The following RBFOX1 variants were observed in gnomAD, a reference collection of about 807,000 sequenced individuals.
The protein encoded by RBFOX1 is RNA binding fox-1 homolog 1, also known as RNA binding protein fox-1 homolog 1.
In RBFOX1, 8 loss-of-function variants were observed where a neutral mutation model predicts 57.7. The observed-to-expected ratio is 0.14, with a 90% confidence interval of 0.08 to 0.25. The LOEUF (loss-of-function observed/expected upper bound fraction) is 0.25, where lower values mean the gene tolerates loss of function less well. RBFOX1 is among the 10% of genes least tolerant of loss of function. The probability of loss-of-function intolerance (pLI) is 1.00; values close to 1 mark genes in which losing one functional copy is unlikely to be tolerated. For synonymous variants in RBFOX1, 326 were observed against 222.4 expected (o/e 1.47, Z -4.15); for missense variants, 611 against 548.5 (o/e 1.11, Z -1.14).
chr16:6,450,795 A>ATGTG (rs1567303045), intron 2 of RBFOX1, among the ~76,000 whole-genome samples: 1 of 16,218 alleles, frequency 6.2e-5, no homozygotes, highest in Non-Finnish European at 8.8e-5. Flanking sequence ...ATATACATAT[A>ATGTG]TATATGTATA....
chr16:6,849,258 T>C (rs907819445), intron 3 of RBFOX1, among the ~76,000 whole-genome samples: 4 of 152,342 alleles, frequency 2.6e-5, no homozygotes, highest in African/African-American at 9.6e-5. Flanking sequence ...AGTCTTTCCG[T>C]GGCACCTAAA....
At chr16:6,470,644 G>C (rs1187665807) in intron 2 of RBFOX1, among the ~76,000 whole-genome samples, 1 of 152,096 alleles carries the variant, frequency 6.6e-6, no homozygotes, top group Non-Finnish European at 1.5e-5. Flanking sequence ...TACCCAACTT[G>C]ATGTGGTCAA....
intron 4 of RBFOX1, among the ~76,000 whole-genome samples, chr16:5,909,477 G>C (rs1342141367): frequency 6.6e-6 from 1 of 152,188 alleles, no homozygotes; most frequent in East Asian, 1.9e-4. Flanking sequence ...GCTTCAGGAA[G>C]GGCCTCCCGT....
At chr16:5,982,551 C>T (rs2060195619) in intron 4 of RBFOX1, among the ~76,000 whole-genome samples, 2 of 152,158 alleles carry the variant, frequency 1.3e-5, no homozygotes, top group Non-Finnish European at 1.5e-5. Flanking sequence ...GCTGGGATTA[C>T]AGGCGTGAGC....
At chr16:6,399,424 G>T (rs2092976599) in intron 2 of RBFOX1, among the ~76,000 whole-genome samples, 1 of 152,182 alleles carries the variant, frequency 6.6e-6, no homozygotes, top group Non-Finnish European at 1.5e-5. Context: ...TCTAGGGCAG[G>T]AGCAAAATGC....
At chr16:7,273,344 G>A (rs891103788) in intron 4 of RBFOX1, among the ~76,000 whole-genome samples, 3 of 151,594 alleles carry the variant, frequency 2.0e-5, no homozygotes, top group African/African-American at 4.9e-5. Flanking sequence ...TCTTTAGGAT[G>A]CTTGTTTCCT....
chr16:6,898,522 G>C (rs538659518), intron 3 of RBFOX1, among the ~76,000 whole-genome samples: 9 of 152,120 alleles, frequency 5.9e-5, no homozygotes, highest in Admixed American at 3.9e-4. Context: ...GAAAAACAAA[G>C]TACAGACGCA....
rs375030766 is a variant in RBFOX1, at chr16:5,934,090, C to T, written c.351+66755C>T. 8.6e-4 allele frequency among the ~76,000 whole-genome samples: 131 copies of T among 152,322 alleles called. No individual in the cohort carries two copies. The South Asian group carries it at 0.026, about 31-fold the overall frequency. ...GTTCACTAAGGATAATGGCCTCCAG[C>T]CCCATCCATGTTCCTGCCACAAGGT... On this transcript the variant is annotated intron_variant, in intron 4 of 19. Transcript: ENST00000641259.
intron 4 of RBFOX1, among the ~76,000 whole-genome samples, chr16:7,085,632 C>A (rs901879730): frequency 6.6e-6 from 1 of 152,026 alleles, no homozygotes; most frequent in Non-Finnish European, 1.5e-5. Context: ...GTTATTTTTC[C>A]CTAAGTTTTC....
intron 2 of RBFOX1, among the ~76,000 whole-genome samples, chr16:6,625,229 A>G (rs1255410711): frequency 5.9e-5 from 9 of 151,636 alleles, no homozygotes; most frequent in South Asian, 4.2e-4. Flanking sequence ...CCCCAAAACA[A>G]TTTCACAAAC....
intron 10 of RBFOX1, among the ~76,000 whole-genome samples, chr16:7,612,020 C>G (rs9921549): frequency 0.012 from 1,764 of 152,152 alleles, 38 homozygotes; most frequent in African/African-American, 0.04. Context: ...GTCCTTGAGG[C>G]TTATTCAAGA....
chr16:7,050,418 A>G (rs1568543019), intron 3 of RBFOX1, among the ~76,000 whole-genome samples: 1 of 151,998 alleles, frequency 6.6e-6, no homozygotes, highest in Non-Finnish European at 1.5e-5. Context: ...GATGCCCACC[A>G]CCATGCCCAG....
chr16:6,455,187 C>A lies in RBFOX1; in HGVS notation c.-64+138130C>A, dbSNP rs547487322. Among the ~76,000 whole-genome samples, 310 of 152,158 alleles carry A rather than the reference C, an allele frequency of 2.0e-3. 2 individuals carry two copies. The highest frequency in any genetic ancestry group is 7.1e-3 in the African/African-American group (296 of 41,512). On this transcript the variant is annotated intron_variant, in intron 2 of 15. Coordinates refer to ENST00000550418, the MANE Select transcript of RBFOX1 (RefSeq NM_018723.4). The stretch of plus-strand genomic sequence containing the variant: ...GGATTACAGGCGTGAGCCGCCACGC[C>A]TGGCCTACCAGGTGTTTTTCTAGGC...
chr16:7,418,812 C>G lies in RBFOX1; in HGVS notation c.28-99335C>G, dbSNP rs187064448. Among the ~76,000 whole-genome samples, 678 of 151,760 alleles carry G rather than the reference C, an allele frequency of 4.5e-3. 3 individuals are homozygous for G. The highest frequency in any genetic ancestry group is 7.9e-3 in the Non-Finnish European group (536 of 67,952). On this transcript the variant is annotated intron_variant, in intron 4 of 15. Transcript: ENST00000550418. ...TCTTTCTCTGTCTTCCTCTGTCTCT[C>G]TCACCTCTTTTTTCTCTTCTCTCCT...
At chr16:6,908,085 G>A (rs1165216295) in intron 3 of RBFOX1, among the ~76,000 whole-genome samples, 1 of 151,756 alleles carries the variant, frequency 6.6e-6, no homozygotes, top group African/African-American at 2.4e-5. Flanking sequence ...TTTCCAATAA[G>A]GTCACATTCA....
At chr16:6,876,056 C>G (rs78878691) in intron 3 of RBFOX1, among the ~76,000 whole-genome samples, 7,070 of 151,780 alleles carry the variant, frequency 0.047, 376 homozygotes, top group East Asian at 0.19. Context: ...GTCTATAGTC[C>G]TAGCATCTCG....
At chr16:5,516,999 T>G (rs1053758194) in intron 2 of RBFOX1, among the ~76,000 whole-genome samples, 6 of 140,672 alleles carry the variant, frequency 4.3e-5, no homozygotes, top group Non-Finnish European at 7.7e-5. Flanking sequence ...TTTCTTCCTG[T>G]TTTTTTTTTT....
intron 4 of RBFOX1, among the ~76,000 whole-genome samples, chr16:7,217,578 A>G (rs999177166): frequency 1.3e-5 from 2 of 152,080 alleles, no homozygotes; most frequent in East Asian, 3.9e-4. Flanking sequence ...AAAAGGCATG[A>G]CAAAGGGTCA....
intron 2 of RBFOX1, among the ~76,000 whole-genome samples, chr16:6,557,164 CAT>C (rs112405871): frequency 0.082 from 11,801 of 144,500 alleles, 1,193 homozygotes; most frequent in African/African-American, 0.24. Flanking sequence ...TATATATACA[CAT>C]ATATATATAT....
Sources: allele counts gnomAD v4.1 joint callset (sites outside exome capture counted in the v4.1 genomes callset), GRCh38; gene constraint gnomAD v4.1.1; transcripts MANE v1.5; gene names NCBI Gene and HGNC (gene_info 2026-07-23, HGNC 2026-07-21).